MAST4: variants seen among roughly 807,000 people sequenced by gnomAD.
MAST4 encodes microtubule associated serine/threonine kinase family member 4.
In MAST4, 89 loss-of-function variants were observed where a neutral mutation model predicts 162.7. The ratio of observed to expected loss-of-function variants is 0.55; its 90% CI spans 0.46 to 0.65. The LOEUF (loss-of-function observed/expected upper bound fraction) is 0.65, where lower values mean the gene tolerates loss of function less well. Ranked by LOEUF, MAST4 falls within the 30% of genes least tolerant of loss-of-function variation. The pLI is 0.00. For missense variants in MAST4, 3,153 were observed against 3,374.0 expected (o/e 0.93, Z 1.62); for synonymous variants, 1,479 against 1,361.1 (o/e 1.09, Z -1.91).
At chr5:66,754,180 C>T (rs1203667253) in intron 1 of MAST4, among the ~76,000 whole-genome samples, 5 of 149,310 alleles carry the variant, frequency 3.3e-5, no homozygotes, top group Non-Finnish European at 7.4e-5. Context: ...CTATGACAAA[C>T]CCACAGCCAA....
At chr5:66,863,972 T>C (rs36158) in intron 3 of MAST4, among the ~76,000 whole-genome samples, 2 of 151,338 alleles carry the variant, frequency 1.3e-5, no homozygotes, top group African/African-American at 4.8e-5. Flanking sequence ...ATGTGTGTTT[T>C]GCAGGAATCC....
chr5:66,738,360 G>C (rs1158800335), intron 1 of MAST4: 2 of 152,314 alleles, frequency 1.3e-5, no homozygotes, highest in Non-Finnish European at 2.9e-5. Flanking sequence ...TTTGTCACCT[G>C]GCCCTGTCCA....
intron 1 of MAST4, among the ~76,000 whole-genome samples, chr5:66,638,747 A>C (rs1420316000): frequency 6.6e-6 from 1 of 152,162 alleles, no homozygotes; most frequent in Non-Finnish European, 1.5e-5. Context: ...CTATATGCCT[A>C]CTGATAAGCA....
chr5:66,684,400 T>A (rs1748513719), intron 1 of MAST4, among the ~76,000 whole-genome samples: 1 of 152,140 alleles, frequency 6.6e-6, no homozygotes, highest in African/African-American at 2.4e-5. Flanking sequence ...TCTCAAAGAG[T>A]ACTAGTTAAT....
At chr5:66,838,135 G>T (rs1158631941) in intron 3 of MAST4, among the ~76,000 whole-genome samples, 1 of 151,698 alleles carries the variant, frequency 6.6e-6, no homozygotes, top group African/African-American at 2.4e-5. Context: ...TTTTAAAATT[G>T]CTGGACATGC....
chr5:66,733,364 G>A (rs1751972873), intron 1 of MAST4, among the ~76,000 whole-genome samples: 1 of 151,842 alleles, frequency 6.6e-6, no homozygotes, highest in African/African-American at 2.4e-5. Context: ...TTACAAATAT[G>A]GTTTCCTTTC....
intron 1 of MAST4, among the ~76,000 whole-genome samples, chr5:66,681,148 G>A (rs1025112137): frequency 1.3e-5 from 2 of 152,158 alleles, no homozygotes; most frequent in East Asian, 1.9e-4. Context: ...AAAATATATC[G>A]GGCTATCAGA....
Position 67,102,546 on chromosome 5 carries a change from T to A in MAST4, c.1081T>A (p.Ser361Thr), listed in dbSNP as rs757268676. Residue 361 changes from serine to threonine, a missense_variant, in exon 9 of 29, where the codon TCT (serine) becomes ACT (threonine). Transcript: ENST00000403625. Reference sequence around the variant, plus strand: ...TTGCTTTGCTTGCAGCCCTGGACGTTCTCCCGCCTGCTGTGACCATGAAAT... The same window carrying A: ...TTGCTTTGCTTGCAGCCCTGGACGTACTCCCGCCTGCTGTGACCATGAAAT... The part of the protein sequence containing the change: ...PRSRSLSPGR[S>T]PACCDHEIIM... The A allele has an allele frequency of 1.4e-5, 23 of 1,613,932 alleles. No individual in the cohort carries two copies. The highest frequency in any genetic ancestry group is 1.9e-5 in the Non-Finnish European group (23 of 1,179,834).
chr5:66,772,465 C>T (rs1366796341), intron 2 of MAST4, among the ~76,000 whole-genome samples: 4 of 152,100 alleles, frequency 2.6e-5, no homozygotes. Flanking sequence ...AGTCAAACTG[C>T]AGTGCTAATG....
At chr5:66,640,690 C>T (rs1467297185) in intron 1 of MAST4, among the ~76,000 whole-genome samples, 4 of 152,188 alleles carry the variant, frequency 2.6e-5, no homozygotes, top group Admixed American at 6.5e-5. Flanking sequence ...CTGCCACGAA[C>T]GTGGGATTGA....
chr5:66,883,352 A>G (rs1377530282), intron 3 of MAST4, among the ~76,000 whole-genome samples: 4 of 151,938 alleles, frequency 2.6e-5, no homozygotes, highest in Admixed American at 6.6e-5. Context: ...AAATTTGCCA[A>G]TAGGGAAAAG....
At chr5:66,910,741 C>CTTTTTTT (rs1176127841) in intron 4 of MAST4, among the ~76,000 whole-genome samples, 384 of 20,090 alleles carry the variant, frequency 0.019, 32 homozygotes, top group African/African-American at 0.043. Context: ...TTTTTTTTTT[C>CTTTTTTT]TTTTTTTTTT....
chr5:67,119,374 C>T (rs1229437897), intron 13 of MAST4, among the ~76,000 whole-genome samples: 1 of 152,106 alleles, frequency 6.6e-6, no homozygotes, highest in African/African-American at 2.4e-5. Flanking sequence ...GATGCTGGTG[C>T]CATTCTCCTC....
intron 2 of MAST4, among the ~76,000 whole-genome samples, chr5:66,777,175 A>G (rs1754642830): frequency 1.3e-5 from 2 of 152,204 alleles, no homozygotes; most frequent in African/African-American, 4.8e-5. Context: ...CTGCTTTTCC[A>G]TTCTGTACTC....
chr5:66,762,258 C>G (rs1300862510), intron 2 of MAST4, among the ~76,000 whole-genome samples: 1 of 146,200 alleles, frequency 6.8e-6, no homozygotes, highest in Non-Finnish European at 1.5e-5. Flanking sequence ...CTTAGAAGAG[C>G]TAAAAAAAAA....
chr5:66,780,924 A>T (rs891376301), intron 2 of MAST4, among the ~76,000 whole-genome samples: 3 of 152,142 alleles, frequency 2.0e-5, no homozygotes, highest in Non-Finnish European at 4.4e-5. Context: ...CCAAGTCCCC[A>T]CTCAGCCCAG....
At chr5:66,873,852 C>A (rs1239006873) in intron 3 of MAST4, among the ~76,000 whole-genome samples, 1 of 152,148 alleles carries the variant, frequency 6.6e-6, no homozygotes, top group East Asian at 1.9e-4. Context: ...TTATTCCTTG[C>A]AAAGTATTAT....
chr5:66,646,876 T>A (rs956872035), intron 1 of MAST4, among the ~76,000 whole-genome samples: 1 of 152,242 alleles, frequency 6.6e-6, no homozygotes, highest in African/African-American at 2.4e-5. Context: ...AATGCTGGGC[T>A]ATATAACTTT....
chr5:67,147,929 C>T (rs1028499880), intron 23 of MAST4, among the ~76,000 whole-genome samples: 1 of 152,160 alleles, frequency 6.6e-6, no homozygotes, highest in African/African-American at 2.4e-5. Context: ...CAGTAGATGA[C>T]CACAAAGTGT....
Sources: allele counts gnomAD v4.1 joint callset (sites outside exome capture counted in the v4.1 genomes callset), GRCh38; gene constraint gnomAD v4.1.1; transcripts MANE v1.5; gene names NCBI Gene and HGNC (gene_info 2026-07-23, HGNC 2026-07-21).